PRELID2: variants seen among roughly 807,000 people sequenced by gnomAD.
The protein encoded by PRELID2 is PRELI domain containing 2.
Under a neutral mutation model 28.4 loss-of-function variants are expected in PRELID2, and 25 were observed. The observed-to-expected ratio is 0.88, with a 90% CI of 0.64 to 1.23. PRELID2 has a LOEUF of 1.23. Among genes scored for constraint, PRELID2 ranks in the 50% most tolerant of loss-of-function variants. PRELID2 has a pLI of 0.00. For synonymous variants in PRELID2, 76 were observed against 71.6 expected (o/e 1.06, Z -0.31); for missense variants, 201 against 214.4 (o/e 0.94, Z 0.39).
the PRELID2 span, among the ~76,000 whole-genome samples, chr5:145,390,655 T>C: frequency 2.3e-3 from 346 of 152,208 alleles, no homozygotes; most frequent in African/African-American, 7.6e-3. Context: ...CCCTCTCAAA[T>C]TTCATGTCTT....
chr5:145,362,658 A>C, the PRELID2 span, among the ~76,000 whole-genome samples: 1 of 152,158 alleles, frequency 6.6e-6, no homozygotes, highest in Non-Finnish European at 1.5e-5. Context: ...CCTTGGACCA[A>C]GGGAGAAAAA....
the PRELID2 span, among the ~76,000 whole-genome samples, chr5:145,276,793 C>CA: frequency 1.3e-5 from 2 of 151,882 alleles, no homozygotes; most frequent in Non-Finnish European, 2.9e-5. Context: ...ATAGAACTTT[C>CA]AAAAAAAGTT....
At chr5:145,315,646 A>T in the PRELID2 span, among the ~76,000 whole-genome samples, 1 of 151,654 alleles carries the variant, frequency 6.6e-6, no homozygotes. Context: ...ACACATATCC[A>T]CCAAGTGTCA....
At chr5:145,642,836 T>C (rs1287206979) in intron 1 of PRELID2, among the ~76,000 whole-genome samples, 5 of 152,138 alleles carry the variant, frequency 3.3e-5, no homozygotes, top group African/African-American at 1.2e-4. Flanking sequence ...AGATGTGTGG[T>C]GTTATTTCTG....
At chr5:145,331,314 T>C in the PRELID2 span, among the ~76,000 whole-genome samples, 2 of 152,092 alleles carry the variant, frequency 1.3e-5, no homozygotes, top group Non-Finnish European at 2.9e-5. Flanking sequence ...GCTGAGTTCA[T>C]GTCCTGAATA....
chr5:145,571,952 A>G (rs1324428807), intron 1 of PRELID2, among the ~76,000 whole-genome samples: 2 of 151,510 alleles, frequency 1.3e-5, no homozygotes, highest in Non-Finnish European at 1.5e-5. Context: ...ACTGCACTCC[A>G]GCCTGGGCAA....
chr5:145,339,240 A>C, the PRELID2 span, among the ~76,000 whole-genome samples: 3 of 152,352 alleles, frequency 2.0e-5, no homozygotes, highest in East Asian at 5.8e-4. Context: ...AAGAGAAAAC[A>C]GTGAGATTCA....
chr5:145,453,036 T>C, the PRELID2 span, among the ~76,000 whole-genome samples: 1 of 152,156 alleles, frequency 6.6e-6, no homozygotes, highest in Non-Finnish European at 1.5e-5. Context: ...ATGTTAGTAA[T>C]AAGCTCTGTA....
At chr5:145,380,500 T>A in the PRELID2 span, among the ~76,000 whole-genome samples, 2 of 152,204 alleles carry the variant, frequency 1.3e-5, no homozygotes, top group Non-Finnish European at 2.9e-5. Context: ...AACTTAAAAT[T>A]TCAGCTCAAA....
At chr5:145,766,641 A>C (rs1417890083) in intron 5 of PRELID2, among the ~76,000 whole-genome samples, 1 of 152,196 alleles carries the variant, frequency 6.6e-6, no homozygotes, top group Non-Finnish European at 1.5e-5. Flanking sequence ...GCTGAGTAGT[A>C]AGGAGTGTTT....
intron 4 of PRELID2, among the ~76,000 whole-genome samples, chr5:145,811,900 A>G (rs1753970015): frequency 6.6e-6 from 1 of 152,198 alleles, no homozygotes; most frequent in Non-Finnish European, 1.5e-5. Flanking sequence ...CATAGTGCCA[A>G]GAAAACATGA....
At chr5:145,392,532 T>C in the PRELID2 span, among the ~76,000 whole-genome samples, 8 of 152,142 alleles carry the variant, frequency 5.3e-5, no homozygotes, top group South Asian at 8.3e-4. Flanking sequence ...AGAGAGCGTA[T>C]GTAGTAAAAA....
chr5:145,781,625 ATATATATACACACTATATATATAC>A (rs796820627), intron 5 of PRELID2, among the ~76,000 whole-genome samples: 5,010 of 146,824 alleles, frequency 0.034, 157 homozygotes, highest in African/African-American at 0.076. Context: ...TATATATACT[ATATATATACACACTATATATATAC>A]TATATATACA....
At chr5:145,818,187 G>C in intron 3 of PRELID2, 133 bp from the exon 4 acceptor site, 1 of 876,100 alleles carries the variant, frequency 1.1e-6, no homozygotes, top group South Asian at 1.8e-5. Context: ...TGGCTCACCA[G>C]TGGCTGTACG....
intron 1 of PRELID2, among the ~76,000 whole-genome samples, chr5:145,654,492 A>G (rs1754356522): frequency 6.6e-6 from 1 of 152,234 alleles, no homozygotes; most frequent in African/African-American, 2.4e-5. Flanking sequence ...TGATGCAAAA[A>G]TCCTCAATAA....
chr5:145,683,584 T>C (rs1754980184), intron 1 of PRELID2, among the ~76,000 whole-genome samples: 1 of 152,154 alleles, frequency 6.6e-6, no homozygotes, highest in Non-Finnish European at 1.5e-5. Context: ...GCATCCCTAG[T>C]ATCTCTCTGC....
chr5:145,620,451 T>G (rs2149651359), intron 1 of PRELID2, among the ~76,000 whole-genome samples: 1 of 152,288 alleles, frequency 6.6e-6, no homozygotes, highest in Admixed American at 6.5e-5. Flanking sequence ...AAGGTAGCAC[T>G]TTTGTGGGGG....
chr5:145,479,866 C>T (rs1274963148), intron 1 of PRELID2, among the ~76,000 whole-genome samples: 1 of 152,094 alleles, frequency 6.6e-6, no homozygotes, highest in Non-Finnish European at 1.5e-5. Context: ...GGTAAGATAA[C>T]CCCAGAGAAC....
intron 4 of PRELID2, among the ~76,000 whole-genome samples, chr5:145,799,637 G>T (rs904609147): frequency 6.6e-6 from 1 of 152,176 alleles, no homozygotes; most frequent in Non-Finnish European, 1.5e-5. Context: ...AAAATGCCCA[G>T]TACATGGTAT....
Sources: gnomAD v4.1 joint callset for allele counts (sites outside exome capture counted in the v4.1 genomes callset) on GRCh38, gnomAD v4.1.1 for gene constraint, MANE v1.5 for transcripts, NCBI Gene and HGNC (gene_info 2026-07-23, HGNC 2026-07-21) for gene names.